XG: variants seen among roughly 807,000 people sequenced by gnomAD.
XG encodes the protein glycoprotein Xg.
XG carries 24 observed loss-of-function variants against 25.7 expected under a neutral mutation model. The observed-to-expected ratio is 0.93, with a 90% CI of 0.68 to 1.31. The LOEUF (loss-of-function observed/expected upper bound fraction) is 1.31, where lower values mean the gene tolerates loss of function less well. Among genes scored for constraint, XG ranks in the 40% most tolerant of loss-of-function variants. The pLI is 0.00. For missense variants in XG, 181 were observed against 187.6 expected (o/e 0.96, Z 0.21); for synonymous variants, 77 against 69.2 (o/e 1.11, Z -0.56).
At chrX:2,813,490 CTTAG>C (rs1162291093) in intron 10 of XG, among the ~76,000 whole-genome samples, 1 of 112,348 alleles carries the variant, frequency 8.9e-6, no homozygotes, top group Non-Finnish European at 1.9e-5. Flanking sequence ...TCCACCTCTC[CTTAG>C]TTAGGTCATT....
chrX:2,779,006 T>A (rs1280050428), intron 3 of XG, among the ~76,000 whole-genome samples: 3 of 152,056 alleles, frequency 2.0e-5, no homozygotes, highest in African/African-American at 4.8e-5. Context: ...TCAGGTGATC[T>A]GTCCACCTCG....
chrX:2,808,333 C>A, intron 9 of XG, 113 bp downstream of exon 9: 1 of 972,913 alleles, frequency 1.0e-6, no homozygotes, highest in Non-Finnish European at 1.5e-6. Context: ...TTTCACGGAG[C>A]ACTCATACTT....
intron 4 of XG, among the ~76,000 whole-genome samples, chrX:2,787,980 G>A (rs2086801139): frequency 9.2e-6 from 1 of 108,123 alleles, no homozygotes; most frequent in Non-Finnish European, 1.9e-5. Flanking sequence ...CTATACTCAG[G>A]AGGCTGAGGT....
chrX:2,810,129 T>TC (rs940010488), intron 9 of XG, among the ~76,000 whole-genome samples: 4 of 111,536 alleles, frequency 3.6e-5, no homozygotes, highest in African/African-American at 1.3e-4. Context: ...ACAACACTCT[T>TC]CCCCCCAGCA....
chrX:2,775,454 G>T (rs111821154), intron 3 of XG, among the ~76,000 whole-genome samples: 1 of 152,156 alleles, frequency 6.6e-6, no homozygotes. Context: ...AAGCAATGTC[G>T]TGACTGCCAG....
At chrX:2,786,577 C>T (rs951493450) in intron 4 of XG, among the ~76,000 whole-genome samples, 46 of 110,720 alleles carry the variant, frequency 4.2e-4, no homozygotes, top group African/African-American at 1.4e-3. Context: ...CTCATGTTGT[C>T]TTGAAAGTAA....
chrX:2,757,833 A>T (rs1392099127), intron 1 of XG, among the ~76,000 whole-genome samples: 1 of 151,420 alleles, frequency 6.6e-6, no homozygotes, highest in Non-Finnish European at 1.5e-5. Flanking sequence ...TTAGCCAGGC[A>T]TGGTGGGGGG....
In XG at chrX:2,774,584, G is replaced by C. The variant is rs1334773661; in HGVS notation, c.104-132G>C. ...TTTTTCTCAATTCAACATGGAATTT[G>C]TGTCTATATCATTTACTTTGTATGG... On this transcript the variant is annotated intron_variant, in intron 2 of 10. Transcript: ENST00000644266. 7.2e-6 allele frequency: 7 copies of C among 968,872 alleles called. No homozygotes were observed. The Admixed American group carries it at 9.9e-5, about 14-fold the overall frequency. 60.0% of individuals were successfully genotyped at this position (968,872 alleles called of 1,614,324 possible).
intron 3 of XG, among the ~76,000 whole-genome samples, chrX:2,781,396 A>G (rs2051117299): frequency 6.6e-6 from 1 of 151,254 alleles, no homozygotes. Context: ...CGGCACCTGG[A>G]CCCATTAGAT....
At chrX:2,774,897 G>T in intron 3 of XG, 158 bp downstream of exon 3, 1 of 940,812 alleles carries the variant, frequency 1.1e-6, no homozygotes, top group South Asian at 1.5e-5. Context: ...GTGGTGATTA[G>T]GGAAATGCAA....
At chrX:2,766,706 A>G (rs1235670367) in intron 1 of XG, among the ~76,000 whole-genome samples, 4 of 150,688 alleles carry the variant, frequency 2.7e-5, no homozygotes, top group Non-Finnish European at 4.4e-5. Context: ...CTGGGACTAC[A>G]GGCGCCCGCC....
At chrX:2,783,941 C>T (rs2086758285) in intron 4 of XG, among the ~76,000 whole-genome samples, 1 of 112,211 alleles carries the variant, frequency 8.9e-6, no homozygotes. Flanking sequence ...TGCCACTGCA[C>T]TCCAGCCGGG....
At position 2,807,999 on chromosome X, in the gene XG, G is replaced by A. The variant is rs369353630; in HGVS notation, c.419-186G>A. Among the ~76,000 whole-genome samples, 19 of 111,310 alleles carry A rather than the reference G, an allele frequency of 1.7e-4. No individual in the cohort carries two copies. The South Asian group carries it at 4.6e-3, about 27-fold the overall frequency. Reference sequence around the variant, plus strand: ...ATTCTGCTAATGACCATTAGACATGGCATACACATTCACATTCCTCCTCCT... The same window carrying A: ...ATTCTGCTAATGACCATTAGACATGACATACACATTCACATTCCTCCTCCT... On this transcript the variant is annotated intron_variant, in intron 8 of 10. Coordinates refer to ENST00000644266, the MANE Select transcript of XG (RefSeq NM_001141919.2).
At chrX:2,808,245 C>A in intron 9 of XG, 25 bp downstream of exon 9, 4 of 1,208,807 alleles carry the variant, frequency 3.3e-6, no homozygotes, top group Non-Finnish European at 4.5e-6. Flanking sequence ...CACCCGGTCC[C>A]AACCTTTAAT....
intron 10 of XG, among the ~76,000 whole-genome samples, chrX:2,812,192 C>T (rs1335515656): frequency 4.5e-5 from 5 of 111,208 alleles, no homozygotes; most frequent in African/African-American, 9.8e-5. Flanking sequence ...ACTACCGAAA[C>T]ACTGAATTAT....
intron 3 of XG, 167 bp downstream of exon 3, chrX:2,774,906 A>G (rs2050942128): frequency 8.4e-6 from 7 of 837,188 alleles, no homozygotes; most frequent in Non-Finnish European, 2.0e-6. Flanking sequence ...AGGGAAATGC[A>G]AATCACAACC....
In XG at chrX:2,773,471, A is replaced by AAAGGAGAGAGGGAAGG. The variant is rs1569461900; in HGVS notation, c.104-1239_104-1224dup. 5.0e-4 allele frequency among the ~76,000 whole-genome samples: 66 copies of AAAGGAGAGAGGGAAGG among 132,338 alleles called. 2 individuals are homozygous for AAAGGAGAGAGGGAAGG. The highest frequency in any genetic ancestry group is 1.0e-3 in the Non-Finnish European group (61 of 60,676). The allele number at this position is 132,338 out of a possible 152,430, so 86.8% of individuals were successfully genotyped here. The stretch of plus-strand genomic sequence containing the variant: ...GGGAGGAAGGAAAGAAGAAGGGGGA[A>AAAGGAGAGAGGGAAGG]AAGGAGAGAGGGAAGGAAGGAAGGA... On this transcript the variant is annotated intron_variant, in intron 2 of 10. Coordinates refer to ENST00000644266, the MANE Select transcript of XG (RefSeq NM_001141919.2).
chrX:2,764,290 G>C (rs1333703256), intron 1 of XG, among the ~76,000 whole-genome samples: 2 of 152,208 alleles, frequency 1.3e-5, no homozygotes, highest in Admixed American at 1.3e-4. Context: ...AGTGGCCCTC[G>C]GGGCTGCTCC....
intron 5 of XG, among the ~76,000 whole-genome samples, chrX:2,793,500 G>A (rs2086855741): frequency 8.9e-6 from 1 of 112,035 alleles, no homozygotes; most frequent in Non-Finnish European, 1.9e-5. Flanking sequence ...TAGGAAATGA[G>A]GCTTGCAAAG....
Sources: gnomAD v4.1 joint callset for allele counts (sites outside exome capture counted in the v4.1 genomes callset) on GRCh38, gnomAD v4.1.1 for gene constraint, MANE v1.5 for transcripts, NCBI Gene and HGNC (gene_info 2026-07-23, HGNC 2026-07-21) for gene names.